Variants in ZNF331 observed in about 807,000 individuals in gnomAD.
ZNF331 encodes C2H2-like zinc finger protein rearranged in thyroid adenomas.
A neutral mutation model predicts 7.0 loss-of-function variants in ZNF331; 2 were observed. The observed-to-expected ratio is 0.29, with a 90% CI of 0.12 to 0.90. The LOEUF (loss-of-function observed/expected upper bound fraction) is 0.90. Among genes scored for constraint, ZNF331 ranks in the 40% least tolerant of loss-of-function variants. The pLI is 0.58. For missense variants in ZNF331, 432 were observed against 587.7 expected, an observed-to-expected ratio of 0.74 and a Z score of 2.74; for synonymous variants, 196 against 205.4, an observed-to-expected ratio of 0.95 and a Z score of 0.39.
At chr19:53,554,687 C>G (rs903566474) in intron 2 of ZNF331, 1 of 152,244 alleles carries the variant, frequency 6.6e-6, no homozygotes, top group Non-Finnish European at 1.5e-5. Context: ...TCCGCCAGTC[C>G]GCGCAGGTGA....
At chr19:53,511,262 A>T in the ZNF331 span, among the ~76,000 whole-genome samples, 4 of 152,186 alleles carry the variant, frequency 2.6e-5, no homozygotes. Context: ...TGGAAATTAT[A>T]AGGAAAAGAC....
chr19:53,574,983 G>A (rs2090640344), intron 5 of ZNF331, among the ~76,000 whole-genome samples: 1 of 144,526 alleles, frequency 6.9e-6, no homozygotes, highest in East Asian at 2.0e-4. Context: ...TGATTCCCAG[G>A]CTGGAGTGCA....
intron 4 of ZNF331, among the ~76,000 whole-genome samples, chr19:53,570,485 G>T (rs1368045773): frequency 1.3e-5 from 2 of 152,082 alleles, no homozygotes; most frequent in Non-Finnish European, 2.9e-5. Context: ...ATGTAGTTTG[G>T]CATGATGAAC....
At chr19:53,509,862 C>G in the ZNF331 span, among the ~76,000 whole-genome samples, 1 of 152,138 alleles carries the variant, frequency 6.6e-6, no homozygotes, top group Non-Finnish European at 1.5e-5. Context: ...GATGGGGAGG[C>G]CTCAGGAAAC....
chr19:53,539,829 C>T lies in ZNF331; in HGVS notation c.-138+547C>T, dbSNP rs2088014513. On this transcript the variant is annotated intron_variant, in intron 2 of 5. Transcript: ENST00000449416. This position sits in a 1 kb window ranked among gnomAD's most constrained non-coding sequence, Gnocchi z 6.1. ...ACAATCGAAGGCTGTGTACCTTGAC[C>T]ACAATTATTGTTCAGGATGGTGGAA... Among the ~76,000 whole-genome samples, 1 of 152,166 alleles carries T rather than the reference C, an allele frequency of 6.6e-6. No individual in the cohort carries two copies. The highest frequency in any genetic ancestry group is 2.4e-5 in the African/African-American group (1 of 41,428).
chr19:53,563,672 T>C (rs1409273613), intron 3 of ZNF331: 1 of 152,120 alleles, frequency 6.6e-6, no homozygotes, highest in Admixed American at 6.6e-5. Context: ...CTAATTTACA[T>C]TAAATAATTG....
chr19:53,571,540 T>C lies in ZNF331; in HGVS notation c.10-64T>C. 1 of 1,592,764 alleles carries C rather than the reference T, an allele frequency of 6.3e-7. No homozygotes were observed. Among genetic ancestry groups the C allele is most frequent in the East Asian group, 2.2e-5 (1 of 44,746 alleles). On this transcript the variant is annotated intron_variant, in intron 4 of 5. Transcript: ENST00000449416. This position sits in a 1 kb window ranked among gnomAD's most constrained non-coding sequence, Gnocchi z 4.7. ...TCACCCTACCCAGAGGGTGGCCTCC[T>C]GTCTCCTTCATCTGGAAGCTGTTTC...
chr19:53,544,438 G>A (rs1199295893), intron 2 of ZNF331, among the ~76,000 whole-genome samples: 8 of 150,434 alleles, frequency 5.3e-5, no homozygotes, highest in South Asian at 2.1e-4. Context: ...CCAGCTACTC[G>A]GGAGGCTGAG....
intron 2 of ZNF331, among the ~76,000 whole-genome samples, chr19:53,524,526 A>G (rs2147237832): frequency 6.6e-6 from 1 of 152,112 alleles, no homozygotes; most frequent in African/African-American, 2.4e-5. Context: ...GATGATGAGC[A>G]TTTTTTCATG....
chr19:53,564,031 C>CAAA (rs57538972), intron 3 of ZNF331, among the ~76,000 whole-genome samples: 10 of 75,614 alleles, frequency 1.3e-4, no homozygotes, highest in East Asian at 3.8e-4. Flanking sequence ...GACTTCATCT[C>CAAA]AAAAAAAAAA....
At chr19:53,509,952 A>G in the ZNF331 span, among the ~76,000 whole-genome samples, 1 of 152,208 alleles carries the variant, frequency 6.6e-6, no homozygotes, top group Non-Finnish European at 1.5e-5. Context: ...AGAAAAGCAC[A>G]CACTTCTAAG....
At chr19:53,576,551 A>C in intron 5 of ZNF331, 146 bp from the exon 6 acceptor site, 3 of 656,096 alleles carry the variant, frequency 4.6e-6, no homozygotes, top group Non-Finnish European at 7.7e-6. Flanking sequence ...CAGAAGTAGA[A>C]TCTACATTTT....
Position 53,578,451 on chromosome 19 carries a change from G to A in ZNF331, c.*499G>A, listed in dbSNP as rs1223701208. 4.4e-6 allele frequency: 1 copy of A among 229,656 alleles called. No homozygotes were observed. Among genetic ancestry groups the A allele is most frequent in the African/African-American group, 2.2e-5 (1 of 44,936 alleles). The allele number at this position is 229,656 out of a possible 1,614,324, so 14.2% of individuals were successfully genotyped here. On this transcript the variant is annotated 3_prime_UTR_variant, in exon 6 of 6. Transcript: ENST00000449416. ...GATCTACATGACAATAAGATATTTT[G>A]GGAGAGAGATACGTTCACATAATTT...
upstream of ZNF331, among the ~76,000 whole-genome samples, chr19:53,517,130 A>G (rs1267698971): frequency 2.0e-5 from 3 of 152,128 alleles, no homozygotes; most frequent in Non-Finnish European, 1.5e-5. Flanking sequence ...AAATCCCCCA[A>G]CAGAGCTCTG....
intron 3 of ZNF331, among the ~76,000 whole-genome samples, chr19:53,564,074 CT>C (rs1205257105): frequency 0.55 from 52,274 of 94,266 alleles, 14,341 homozygotes; most frequent in Non-Finnish European, 0.62. Flanking sequence ...AGCCTGCATT[CT>C]TTTTTTTTTT....
Position 53,578,130 on chromosome 19 carries a change from C to T in ZNF331, c.*178C>T. ...GATGAAATCTCTCGCTGTCCGGCTC[C>T]AGCCGGCCGGGGATGTGAGTCATCC... is the stretch of plus-strand genomic sequence containing the variant. On this transcript the variant is annotated 3_prime_UTR_variant, in exon 6 of 6. Coordinates refer to ENST00000449416, the MANE Select transcript of ZNF331 (RefSeq NM_001079906.2). 3 of 856,510 alleles carry T rather than the reference C, an allele frequency of 3.5e-6. No homozygotes were observed. Among genetic ancestry groups the T allele is most frequent in the East Asian group, 2.8e-5 (1 of 36,084 alleles). The allele number at this position is 856,510 out of a possible 1,614,324, so 53.1% of individuals were successfully genotyped here. A position where few individuals can be genotyped will look rare whatever the true frequency, so the allele number is the denominator to read the frequency against.
At chr19:53,562,645 G>A (rs893883383) in intron 3 of ZNF331, among the ~76,000 whole-genome samples, 4 of 151,578 alleles carry the variant, frequency 2.6e-5, no homozygotes, top group Admixed American at 6.6e-5. Flanking sequence ...AGCCAAGATC[G>A]CTCCACTGTA....
chr19:53,551,341 C>T (rs1486736648), intron 2 of ZNF331, among the ~76,000 whole-genome samples: 1 of 152,104 alleles, frequency 6.6e-6, no homozygotes, highest in African/African-American at 2.4e-5. Flanking sequence ...CATGTATGTG[C>T]TTTTGTTTCT....
chr19:53,515,520 G>A (rs961129841), upstream of ZNF331, among the ~76,000 whole-genome samples: 9 of 152,112 alleles, frequency 5.9e-5, no homozygotes, highest in African/African-American at 1.9e-4. Flanking sequence ...TTTTTGAGAC[G>A]GAGTTTCGTT....
Sources: gnomAD v4.1 joint callset for allele counts (sites outside exome capture counted in the v4.1 genomes callset) on GRCh38, gnomAD v4.1.1 for gene constraint, Gnocchi (gnomAD v3.1) non-coding constraint, MANE v1.5 for transcripts, NCBI Gene and HGNC (gene_info 2026-07-23, HGNC 2026-07-21) for gene names.